C2CD5: variants seen among roughly 807,000 people sequenced by gnomAD.
C2CD5 encodes the protein C2 domain-containing protein 5.
C2CD5 carries 109 observed loss-of-function variants against 130.3 expected under a neutral mutation model. The observed-to-expected ratio is 0.84, with a 90% CI of 0.72 to 0.98. C2CD5 has a LOEUF of 0.98. Ranked by LOEUF, C2CD5 falls within the 50% of genes least tolerant of loss-of-function variation. C2CD5 has a pLI of 0.00. For missense variants in C2CD5, 996 were observed against 1,261.8 expected (o/e 0.79, Z 3.19); for synonymous variants, 454 against 429.2 (o/e 1.06, Z -0.71).
rs779796451 is a variant in C2CD5 at position 22,527,854 on chromosome 12, G to A, written c.216C>T (p.Ile72=). The change falls in exon 4 of 27, where the codon ATC becomes ATT. Residue 72 remains isoleucine, a synonymous_variant. Coordinates refer to ENST00000446597, the MANE Select transcript of C2CD5 (RefSeq NM_001286176.2). Reference sequence around the variant, plus strand: ...TGTAAGTATCATGGTCAAGAACTGTGATCTGTAAAGGTTCATCTTGTAAGT... The same window carrying A: ...TGTAAGTATCATGGTCAAGAACTGTAATCTGTAAAGGTTCATCTTGTAAGT... ...DEDLQDEPLQ[I]TVLDHDTYSA... 4 of 1,610,830 alleles carry A rather than the reference G, an allele frequency of 2.5e-6. No homozygotes were observed. The highest frequency in any genetic ancestry group is 3.4e-6 in the Non-Finnish European group (4 of 1,177,994).
chr12:22,524,514 C>T lies in C2CD5; in HGVS notation c.559G>A (p.Ala187Thr), dbSNP rs1194022749. 1 of 1,613,770 alleles carries T rather than the reference C, an allele frequency of 6.2e-7. No individual in the cohort carries two copies. Among genetic ancestry groups the T allele is most frequent in the African/African-American group, 1.3e-5 (1 of 74,886 alleles). Residue 187 changes from alanine to threonine, a missense_variant, in exon 6 of 27, where the codon GCA becomes ACA. This residue lies in a region of C2CD5 where 2 missense variants were observed against 28.8 expected (regional missense o/e 0.07). Transcript: ENST00000446597. ...AGTCTCTGTCTGGCCTCATTTGATG[C>T]CCTTGGTGTGCGAATTCGATCAATC... ...QWIDRIRTPR[A>T]SNEARQRLIS...
intron 8 of C2CD5, chr12:22,515,056 G>A (rs1217280894): frequency 1.0e-6 from 1 of 984,948 alleles, no homozygotes; most frequent in African/African-American, 1.7e-5. Flanking sequence ...TAGATTCCGA[G>A]AGGAGGAGAC....
chr12:22,457,209 C>T (rs1254226326), intron 24 of C2CD5, 48 bp from the exon 25 acceptor site: 2 of 1,295,308 alleles, frequency 1.5e-6, no homozygotes, highest in Non-Finnish European at 2.2e-6. Flanking sequence ...ACGCTGGTAA[C>T]ACAATTATTC....
In C2CD5 at chr12:22,490,307, C is replaced by T. The variant is rs1339585439; in HGVS notation, c.1263-89G>A. On this transcript the variant is annotated intron_variant, in intron 11 of 26. Coordinates refer to ENST00000446597, the MANE Select transcript of C2CD5 (RefSeq NM_001286176.2). Reference sequence around the variant, plus strand: ...AATATCAAAATAATTATAACAGTGACAATTTAAGTTCAAGTTAGACTCTAC... The same window carrying T: ...AATATCAAAATAATTATAACAGTGATAATTTAAGTTCAAGTTAGACTCTAC... 5.8e-6 allele frequency: 5 copies of T among 856,650 alleles called. No homozygotes were observed. In the East Asian group the frequency reaches 1.0e-4, roughly 18 times the overall value. The allele number at this position is 856,650 out of a possible 1,614,324, so 53.1% of individuals were successfully genotyped here. A position where few individuals can be genotyped will look rare whatever the true frequency, so the allele number is the denominator to read the frequency against.
At chr12:22,505,714 A>C (rs7964072) in intron 10 of C2CD5, among the ~76,000 whole-genome samples, 24,201 of 152,078 alleles carry the variant, frequency 0.16, 3,829 homozygotes, top group African/African-American at 0.41. Context: ...ATTTCTGATC[A>C]AAGGGCCTGA....
intron 22 of C2CD5, chr12:22,463,453 G>A (rs1941548718): frequency 6.6e-6 from 1 of 151,954 alleles, no homozygotes; most frequent in Non-Finnish European, 1.5e-5. Flanking sequence ...CCTTATGGGT[G>A]GGATTGGTGC....
At chr12:22,526,423 T>G (rs974471935) in intron 4 of C2CD5, among the ~76,000 whole-genome samples, 1 of 152,244 alleles carries the variant, frequency 6.6e-6, no homozygotes, top group African/African-American at 2.4e-5. Context: ...AAAAATTAAG[T>G]AATTTACAGT....
chr12:22,453,168 C>T (rs1358070246), intron 26 of C2CD5, among the ~76,000 whole-genome samples: 1 of 152,030 alleles, frequency 6.6e-6, no homozygotes, highest in Non-Finnish European at 1.5e-5. Flanking sequence ...TCTGTGTCTG[C>T]CAAGATATTG....
chr12:22,513,327 T>C lies in C2CD5; in HGVS notation c.1005A>G (p.Leu335=). The C allele has an allele frequency of 6.2e-7, 1 of 1,612,290 alleles. No homozygotes were observed. The highest frequency in any genetic ancestry group is 2.2e-5 in the East Asian group (1 of 44,792). ...GKEGGPFKAL[L]RQQTQSALEQ... ...CCAACGCTGATTGAGTCTGTTGTCT[T>C]AAAAGAGCTTTAAAGGGCCCCCCTT... is the stretch of plus-strand genomic sequence containing the variant. The change falls in exon 9 of 27, where the codon TTA becomes TTG. Residue 335 remains leucine, a synonymous_variant. Coordinates refer to ENST00000446597, the MANE Select transcript of C2CD5 (RefSeq NM_001286176.2).
chr12:22,461,749 G>GA (rs1941206106), intron 22 of C2CD5, among the ~76,000 whole-genome samples: 2 of 151,876 alleles, frequency 1.3e-5, no homozygotes, highest in African/African-American at 4.8e-5. Context: ...GATGAAGAGG[G>GA]AAAAAAGGGA....
At chr12:22,535,484 T>A in intron 2 of C2CD5, 140 bp from the exon 3 acceptor site, 2 of 601,712 alleles carry the variant, frequency 3.3e-6, no homozygotes, top group Non-Finnish European at 6.0e-6. Flanking sequence ...GGGAAGAAGG[T>A]ACAGATGGAT....
intron 13 of C2CD5, 95 bp downstream of exon 13, chr12:22,484,602 G>A (rs1281144401): frequency 3.4e-6 from 2 of 581,292 alleles, no homozygotes; most frequent in African/African-American, 3.8e-5. Context: ...GGATCAAACA[G>A]GTAGGAAACA....
rs766325601 is a variant in C2CD5, at chr12:22,474,739, A to C, written c.2043+12T>G. The C allele has an allele frequency of 6.3e-7, 1 of 1,583,482 alleles. No homozygotes were observed. The highest frequency in any genetic ancestry group is 8.6e-7 in the Non-Finnish European group (1 of 1,166,776). ...CCAAAACCTTTAAGAAATTAGTCCA[A>C]TGCCACATTACCTCCAAAACAAAAG... On this transcript the variant is annotated intron_variant, in intron 16 of 26. Transcript: ENST00000446597.
chr12:22,510,738 G>A (rs1456058005), intron 9 of C2CD5, among the ~76,000 whole-genome samples: 1 of 152,182 alleles, frequency 6.6e-6, no homozygotes, highest in Non-Finnish European at 1.5e-5. Context: ...AAATGTACTT[G>A]CGAAATACTA....
intron 14 of C2CD5, 122 bp downstream of exon 14, chr12:22,482,435 C>T (rs2136309051): frequency 2.7e-6 from 2 of 749,054 alleles, no homozygotes; most frequent in Non-Finnish European, 4.3e-6. Context: ...GTCCTCGTCC[C>T]ATAAAGGTCT....
At chr12:22,539,485 C>T (rs1228239793) in intron 2 of C2CD5, among the ~76,000 whole-genome samples, 1 of 152,166 alleles carries the variant, frequency 6.6e-6, no homozygotes, top group Non-Finnish European at 1.5e-5. Flanking sequence ...ACAGAACCAA[C>T]TCCTAAAGCT....
Position 22,524,642 on chromosome 12 carries a change from T to G in C2CD5, c.446-15A>C. 1.3e-6 allele frequency: 2 copies of G among 1,596,264 alleles called. No individual in the cohort carries two copies. The highest frequency in any genetic ancestry group is 8.6e-7 in the Non-Finnish European group (1 of 1,169,182). On this transcript the variant is annotated splice_polypyrimidine_tract_variant and intron_variant, in intron 5 of 26. Coordinates refer to ENST00000446597, the MANE Select transcript of C2CD5 (RefSeq NM_001286176.2). ...AATAGACGTTGCTGTTAAAACAAAT[T>G]ATTATGCTTCTGTTTATCAAAAGGT...
chr12:22,543,512 C>T (rs755379583), intron 2 of C2CD5, among the ~76,000 whole-genome samples: 1 of 152,232 alleles, frequency 6.6e-6, no homozygotes, highest in Non-Finnish European at 1.5e-5. Flanking sequence ...TTTCCTCGCA[C>T]TGTGGGACTC....
rs116013076 is a variant in C2CD5, at chr12:22,506,292, C to T, written c.1147+419G>A. ...GAGTAGCTGGGACAACAGGCACATGCTACTGTGCCCAGCTTTACAATTACA... is the reference window on the plus strand; with the variant it reads ...GAGTAGCTGGGACAACAGGCACATGTTACTGTGCCCAGCTTTACAATTACA... On this transcript the variant is annotated intron_variant, in intron 10 of 26. Coordinates refer to ENST00000446597, the MANE Select transcript of C2CD5 (RefSeq NM_001286176.2). Among the ~76,000 whole-genome samples, 433 of 152,262 alleles carry T rather than the reference C, an allele frequency of 2.8e-3. 3 individuals are homozygous for T. The highest frequency in any genetic ancestry group is 0.01 in the African/African-American group (428 of 41,530).
Sources: gnomAD v4.1 joint callset for allele counts (sites outside exome capture counted in the v4.1 genomes callset) on GRCh38, gnomAD v4.1.1 for gene constraint, gnomAD v4.1.1 regional missense constraint, MANE v1.5 for transcripts, NCBI Gene and HGNC (gene_info 2026-07-23, HGNC 2026-07-21) for gene names.